Variants in NT5DC4 observed in about 807,000 individuals in gnomAD.
The protein encoded by NT5DC4 is 5'-nucleotidase domain containing 4, also known as 5'-nucleotidase domain-containing protein 4.
NT5DC4 carries 44 observed loss-of-function variants against 26.6 expected under a neutral mutation model. The observed-to-expected ratio is 1.65, with a 90% confidence interval of 1.30 to 2.13. The LOEUF is 2.13. NT5DC4 is among the 30% of genes most tolerant of loss of function. NT5DC4 has a pLI of 0.00. For missense variants in NT5DC4, 399 were observed against 228.1 expected, an observed-to-expected ratio of 1.75 and a Z score of -4.83; for synonymous variants, 157 against 86.7, an observed-to-expected ratio of 1.81 and a Z score of -4.51.
intron 7 of NT5DC4, 35 bp downstream of exon 7, chr2:112,723,209 CCTGT>C (rs1297221045): frequency 1.4e-6 from 1 of 717,262 alleles, no homozygotes; most frequent in South Asian, 1.5e-5. Flanking sequence ...GGACCCCTGA[CCTGT>C]CTGCTCTTGG....
upstream of NT5DC4, among the ~76,000 whole-genome samples, chr2:112,719,942 C>T (rs1196574663): frequency 1.6e-3 from 154 of 96,510 alleles, no homozygotes; most frequent in African/African-American, 6.7e-3. Flanking sequence ...TTCTTTCTTT[C>T]TTTCTTTCTT....
At chr2:112,740,430 G>A (rs188752166), downstream of NT5DC4, among the ~76,000 whole-genome samples, 8 of 152,228 alleles carry the variant, frequency 5.3e-5, no homozygotes, top group Non-Finnish European at 7.4e-5. Flanking sequence ...AAAATAAAAC[G>A]TTTCTGACTT....
intron 15 of NT5DC4, among the ~76,000 whole-genome samples, chr2:112,728,921 C>T (rs1678108261): frequency 1.3e-5 from 2 of 152,156 alleles, no homozygotes; most frequent in African/African-American, 2.4e-5. Context: ...TTTCACCGGG[C>T]GGCCTCATCT....
intron 15 of NT5DC4, 73 bp from the exon 16 acceptor site, chr2:112,729,554 G>A (rs993972744): frequency 1.1e-5 from 8 of 714,472 alleles, no homozygotes; most frequent in Non-Finnish European, 2.1e-5. Context: ...GGGAGCCTGT[G>A]CATAGCTGAG....
At chr2:112,722,942 C>T (rs1426034795) in intron 6 of NT5DC4, 139 bp from the exon 7 acceptor site, 7 of 640,186 alleles carry the variant, frequency 1.1e-5, no homozygotes, top group Non-Finnish European at 1.1e-5. Context: ...CTGGGTGATG[C>T]CCCTCCCAGG....
At chr2:112,720,923 C>T (rs1284990524), upstream of NT5DC4, among the ~76,000 whole-genome samples, 2 of 152,238 alleles carry the variant, frequency 1.3e-5, no homozygotes, top group East Asian at 1.9e-4. Flanking sequence ...GCTGACTCCT[C>T]CCTCAAAGGG....
upstream of NT5DC4, among the ~76,000 whole-genome samples, chr2:112,719,845 TC>T (rs1676659022): frequency 9.4e-6 from 1 of 105,998 alleles, no homozygotes; most frequent in Admixed American, 9.1e-5. Context: ...CTTCCTTCCC[TC>T]CCTCCCTCCC....
intron 1 of NT5DC4, 76 bp from the exon 2 acceptor site, chr2:112,721,742 C>A: frequency 1.4e-6 from 1 of 716,730 alleles, no homozygotes; most frequent in Non-Finnish European, 2.6e-6. Flanking sequence ...TGCGGGGTTT[C>A]CACCCCCTCT....
At chr2:112,720,557 C>T (rs528872989), upstream of NT5DC4, among the ~76,000 whole-genome samples, 2 of 152,220 alleles carry the variant, frequency 1.3e-5, no homozygotes, top group Middle Eastern at 3.4e-3. Context: ...CTTTCTGCCA[C>T]CCCCCCATTC....
upstream of NT5DC4, among the ~76,000 whole-genome samples, chr2:112,719,978 CTTTCTTTCTTTTTCTTTTCT>C (rs1676734081): frequency 1.2e-5 from 1 of 81,764 alleles, no homozygotes; most frequent in East Asian, 3.4e-4. Flanking sequence ...TTCTTTCTTT[CTTTCTTTCTTTTTCTTTTCT>C]TTTCTTTTCT....
At chr2:112,736,952 A>C (rs10203064) in intron 16 of NT5DC4, 66,621 of 151,220 alleles carry the variant, frequency 0.44, 14,638 homozygotes, top group Middle Eastern at 0.57. Context: ...TTTGAGATGG[A>C]GTCTTGCTCT....
rs1272693238 is a variant in NT5DC4 at position 112,724,875 on chromosome 2, G to A, written c.884G>A (p.Arg295Lys). 1 of 717,188 alleles carries A rather than the reference G, an allele frequency of 1.4e-6. No homozygotes were observed. The highest frequency in any genetic ancestry group is 2.0e-5 in the Admixed American group (1 of 50,016). 44.4% of individuals were successfully genotyped at this position (717,188 alleles called of 1,614,324 possible). A position where few individuals can be genotyped will look rare whatever the true frequency, so the allele number is the denominator to read the frequency against. Residue 295 changes from arginine (R) to lysine (K), a missense_variant, in exon 11 of 17, where the codon AGG (arginine) becomes AAG (lysine). Transcript: ENST00000688554. Reference protein sequence around the residue: ...PHFFAEGLVLRQVNTVMAGAE... With the variant: ...PHFFAEGLVLKQVNTVMAGAE... ...TTCTTTGCAGAGGGGTTGGTCCTGA[G>A]GCAGGTCAACACGGTAATGGCAGGT...
chr2:112,735,488 C>CG (rs1024894374), intron 16 of NT5DC4, among the ~76,000 whole-genome samples: 2 of 121,620 alleles, frequency 1.6e-5, no homozygotes, highest in African/African-American at 2.5e-5. Flanking sequence ...ATCCTCCCCC[C>CG]CCTTTTTTTC....
At chr2:112,731,423 A>T (rs1296939468) in intron 16 of NT5DC4, 2 of 152,152 alleles carry the variant, frequency 1.3e-5, no homozygotes, top group East Asian at 3.9e-4. Context: ...CATTTCTTTT[A>T]AAAAATAGTT....
At chr2:112,731,912 G>C (rs867849121) in intron 16 of NT5DC4, among the ~76,000 whole-genome samples, 5 of 131,406 alleles carry the variant, frequency 3.8e-5, no homozygotes, top group Non-Finnish European at 7.7e-5. Context: ...GAATCAGAGA[G>C]TTTACTTTTT....
chr2:112,724,072 G>A, intron 9 of NT5DC4, 22 bp from the exon 10 acceptor site: 1 of 717,142 alleles, frequency 1.4e-6, no homozygotes, highest in Non-Finnish European at 2.6e-6. Context: ...TTGGTGCCCT[G>A]ACGCTGCCTT....
chr2:112,730,619 C>T (rs1443984413), intron 16 of NT5DC4, among the ~76,000 whole-genome samples: 1 of 152,154 alleles, frequency 6.6e-6, no homozygotes, highest in Admixed American at 6.5e-5. Flanking sequence ...GGGTTCTGCA[C>T]CCCCAAAACC....
chr2:112,725,073 C>A (rs1009398938), intron 11 of NT5DC4, 101 bp from the exon 12 acceptor site: 4 of 655,844 alleles, frequency 6.1e-6, no homozygotes, highest in South Asian at 1.7e-5. Flanking sequence ...TCCCACACCC[C>A]CCATGGTTAC....
At chr2:112,719,918 TTCTTTC>T (rs1479040959), upstream of NT5DC4, among the ~76,000 whole-genome samples, 16 of 105,002 alleles carry the variant, frequency 1.5e-4, no homozygotes, top group South Asian at 1.4e-3. Context: ...CTTTCTTTCT[TTCTTTC>T]TCTTTCTTTC....
Sources: allele counts gnomAD v4.1 joint callset (sites outside exome capture counted in the v4.1 genomes callset), GRCh38; gene constraint gnomAD v4.1.1; transcripts MANE v1.5; gene names NCBI Gene and HGNC (gene_info 2026-07-23, HGNC 2026-07-21).